Variants in UMAD1 observed in about 807,000 individuals in gnomAD.
UMAD1 encodes UBAP1-MVB12-associated (UMA) domain containing 1.
Under a neutral mutation model 6.1 loss-of-function variants are expected in UMAD1, and 8 were observed. That is an observed-to-expected ratio of 1.30 (90% CI 0.76 to 2.35). The LOEUF (loss-of-function observed/expected upper bound fraction) is 2.35. UMAD1 is among the 30% of genes most tolerant of loss of function. UMAD1 has a pLI of 0.00. For missense variants in UMAD1, 130 were observed against 78.4 expected, an observed-to-expected ratio of 1.66 and a Z score of -2.49; for synonymous variants, 56 against 31.4, an observed-to-expected ratio of 1.78 and a Z score of -2.61.
chr7:7,834,180 C>A (rs1783519447), intron 3 of UMAD1, among the ~76,000 whole-genome samples: 1 of 151,812 alleles, frequency 6.6e-6, no homozygotes, highest in South Asian at 2.1e-4. Flanking sequence ...CACCACCACG[C>A]CTGGATAAAT....
intron 3 of UMAD1, among the ~76,000 whole-genome samples, chr7:7,860,530 G>A (rs1298636830): frequency 1.3e-5 from 2 of 150,114 alleles, no homozygotes; most frequent in African/African-American, 4.9e-5. Context: ...GGAGGCCGAG[G>A]CAGGTGGATC....
At chr7:7,805,460 A>G (rs984862674) in intron 3 of UMAD1, among the ~76,000 whole-genome samples, 3 of 152,088 alleles carry the variant, frequency 2.0e-5, no homozygotes, top group South Asian at 2.1e-4. Flanking sequence ...CTGCTGCTCA[A>G]CGTCATCACT....
intron 2 of UMAD1, among the ~76,000 whole-genome samples, chr7:7,730,593 AC>A: frequency 6.6e-6 from 1 of 152,310 alleles, no homozygotes; most frequent in East Asian, 1.9e-4. Context: ...TTCAAAAGGT[AC>A]ACTAGGTGTC....
chr7:7,795,663 C>T (rs1361893886), intron 2 of UMAD1, among the ~76,000 whole-genome samples: 1 of 152,148 alleles, frequency 6.6e-6, no homozygotes, highest in African/African-American at 2.4e-5. Flanking sequence ...AGGAAAGGGG[C>T]AGGGATTTCC....
At chr7:7,722,670 A>C (rs1781073079) in intron 2 of UMAD1, among the ~76,000 whole-genome samples, 1 of 152,208 alleles carries the variant, frequency 6.6e-6, no homozygotes, top group Admixed American at 6.5e-5. Flanking sequence ...GACTGCCCTC[A>C]GTGAGAGTCT....
At chr7:7,641,331 C>T (rs1482336494) in intron 1 of UMAD1, among the ~76,000 whole-genome samples, 2 of 152,110 alleles carry the variant, frequency 1.3e-5, no homozygotes, top group Admixed American at 6.6e-5. Context: ...AACCACTGGC[C>T]AGTACTAGGG....
At chr7:7,709,900 T>G (rs931861182) in intron 2 of UMAD1, among the ~76,000 whole-genome samples, 4 of 152,208 alleles carry the variant, frequency 2.6e-5, no homozygotes, top group South Asian at 4.1e-4. Flanking sequence ...CTAAGTCTTC[T>G]CCTTACTCCC....
intron 3 of UMAD1, among the ~76,000 whole-genome samples, chr7:7,859,497 T>G (rs1312261632): frequency 1.3e-5 from 2 of 152,204 alleles, no homozygotes; most frequent in Non-Finnish European, 2.9e-5. Context: ...AAGTACTATT[T>G]CCTTAAGAAT....
At chr7:7,703,169 G>A (rs1298614843) in intron 2 of UMAD1, among the ~76,000 whole-genome samples, 1 of 152,022 alleles carries the variant, frequency 6.6e-6, no homozygotes, top group African/African-American at 2.4e-5. Context: ...ATAATTACTG[G>A]TGCCCACTAA....
chr7:7,651,757 G>C (rs996577056), intron 1 of UMAD1, among the ~76,000 whole-genome samples: 9 of 152,146 alleles, frequency 5.9e-5, no homozygotes, highest in African/African-American at 2.2e-4. Context: ...GACTCTGCTG[G>C]GTGGAAATTG....
chr7:7,812,579 A>C (rs1029103874), intron 3 of UMAD1, among the ~76,000 whole-genome samples: 2 of 152,230 alleles, frequency 1.3e-5, no homozygotes, highest in African/African-American at 2.4e-5. Flanking sequence ...AGGAGGAATC[A>C]AAATGTGGAA....
chr7:7,697,111 T>C (rs1016312450), intron 2 of UMAD1, among the ~76,000 whole-genome samples: 1 of 152,194 alleles, frequency 6.6e-6, no homozygotes, highest in African/African-American at 2.4e-5. Context: ...CAGATTGTTT[T>C]GCTTTTCTTT....
At chr7:7,811,638 T>C (rs1167853938) in intron 3 of UMAD1, among the ~76,000 whole-genome samples, 8 of 152,174 alleles carry the variant, frequency 5.3e-5, no homozygotes, top group African/African-American at 1.9e-4. Context: ...GAAAGCGAAC[T>C]GGGGTTTTGC....
At chr7:7,809,613 T>C (rs185570795) in intron 3 of UMAD1, among the ~76,000 whole-genome samples, 573 of 152,124 alleles carry the variant, frequency 3.8e-3, no homozygotes, top group Non-Finnish European at 4.6e-3. Flanking sequence ...TTTATTAAAG[T>C]CACCATTCTG....
At chr7:7,705,349 A>G (rs1407920085) in intron 2 of UMAD1, among the ~76,000 whole-genome samples, 4 of 152,342 alleles carry the variant, frequency 2.6e-5, no homozygotes, top group African/African-American at 9.6e-5. Context: ...ATAACCACCT[A>G]CATTATTAGA....
intron 2 of UMAD1, among the ~76,000 whole-genome samples, chr7:7,786,570 AC>A (rs1195181015): frequency 3.3e-5 from 5 of 151,296 alleles, no homozygotes; most frequent in African/African-American, 1.2e-4. Context: ...ATTCCCTCCC[AC>A]CCCCCGTAAG....
intron 2 of UMAD1, among the ~76,000 whole-genome samples, chr7:7,797,511 T>C (rs555375787): frequency 6.6e-6 from 1 of 152,032 alleles, no homozygotes; most frequent in Non-Finnish European, 1.5e-5. Context: ...CCTAAGTAGG[T>C]ATTTGGTTCT....
chr7:7,813,134 G>A (rs1783055209), intron 3 of UMAD1, among the ~76,000 whole-genome samples: 1 of 152,174 alleles, frequency 6.6e-6, no homozygotes, highest in Non-Finnish European at 1.5e-5. Context: ...TTATACTTTA[G>A]CTTAGTACAA....
At chr7:7,806,470 A>C (rs575933700) in intron 3 of UMAD1, among the ~76,000 whole-genome samples, 1 of 152,354 alleles carries the variant, frequency 6.6e-6, no homozygotes, top group South Asian at 2.1e-4. Flanking sequence ...TTATGACCTC[A>C]GCAACTATCA....
Sources: allele counts gnomAD v4.1 joint callset (sites outside exome capture counted in the v4.1 genomes callset), GRCh38; gene constraint gnomAD v4.1.1; transcripts MANE v1.5; gene names NCBI Gene and HGNC (gene_info 2026-07-23, HGNC 2026-07-21).